Variants in GRIK3 observed in about 807,000 individuals in gnomAD.
GRIK3 encodes glutamate receptor ionotropic, kainate 3.
Under a neutral mutation model 102.5 loss-of-function variants are expected in GRIK3, and 29 were observed. The observed-to-expected ratio is 0.28, with a 90% confidence interval of 0.21 to 0.39. GRIK3 has a LOEUF of 0.39. GRIK3 is among the 10% of genes least tolerant of loss of function. GRIK3 has a pLI of 1.00. For missense variants in GRIK3, 908 were observed against 1,252.4 expected, an observed-to-expected ratio of 0.73 and a Z score of 4.15; for synonymous variants, 511 against 504.9, an observed-to-expected ratio of 1.01 and a Z score of -0.16.
rs531286073 is a variant in GRIK3, at chr1:37,013,298, G to T, written c.115+20696C>A. Among the ~76,000 whole-genome samples, 11 of 152,310 alleles carry T rather than the reference G, an allele frequency of 7.2e-5. No homozygotes were observed. The South Asian group carries it at 2.3e-3, about 32-fold the overall frequency. On this transcript the variant is annotated intron_variant, in intron 1 of 15. Transcript: ENST00000373091. ...ATGGGAGCTACAAGATGAGATCTGG[G>T]TGGGGACACAGCCAAACCATATCAG...
intron 1 of GRIK3, among the ~76,000 whole-genome samples, chr1:36,956,710 T>C (rs1641916380): frequency 6.6e-6 from 1 of 152,128 alleles, no homozygotes; most frequent in African/African-American, 2.4e-5. Flanking sequence ...TCAGGTGAAA[T>C]GAGACAAAGG....
At chr1:36,843,587 T>C (rs1197816772) in intron 9 of GRIK3, among the ~76,000 whole-genome samples, 1 of 152,088 alleles carries the variant, frequency 6.6e-6, no homozygotes, top group East Asian at 1.9e-4. Context: ...TTCCCTGGGG[T>C]CAGACCTTCC....
intron 1 of GRIK3, among the ~76,000 whole-genome samples, chr1:36,927,522 T>G (rs1057417718): frequency 6.6e-6 from 1 of 152,104 alleles, no homozygotes; most frequent in Non-Finnish European, 1.5e-5. Context: ...ATGAACAAAG[T>G]GAATTTCGTT....
At chr1:36,988,646 A>G (rs1318636671) in intron 1 of GRIK3, among the ~76,000 whole-genome samples, 1 of 152,280 alleles carries the variant, frequency 6.6e-6, no homozygotes, top group Non-Finnish European at 1.5e-5. Context: ...AAACGCCAAG[A>G]TTCTTCACAC....
intron 1 of GRIK3, among the ~76,000 whole-genome samples, chr1:37,012,787 G>C (rs1642611838): frequency 6.6e-6 from 1 of 152,198 alleles, no homozygotes; most frequent in African/African-American, 2.4e-5. Flanking sequence ...TGACCTTGCT[G>C]AGCCTCAGTT....
chr1:37,009,169 G>A (rs1484216540), intron 1 of GRIK3, among the ~76,000 whole-genome samples: 1 of 152,204 alleles, frequency 6.6e-6, no homozygotes, highest in African/African-American at 2.4e-5. Flanking sequence ...CTGACAGATG[G>A]TGAGCACTCA....
In GRIK3 at chr1:36,805,136, G is replaced by A; in HGVS notation, c.2416C>T (p.Pro806Ser). 1 of 1,614,134 alleles carries A rather than the reference G, an allele frequency of 6.2e-7. No homozygotes were observed. The highest frequency in any genetic ancestry group is 8.5e-7 in the Non-Finnish European group (1 of 1,180,016). ...KEKWWRGSGC[P>S]EEENKEASAL... ...CTGGCCTCTTTGTTTTCCTCCTCAGGACACCCGCTGCCCCGCCACCACTTC... is the reference window on the plus strand; with the variant it reads ...CTGGCCTCTTTGTTTTCCTCCTCAGAACACCCGCTGCCCCGCCACCACTTC... The change falls in exon 15 of 16, where the codon CCT becomes TCT. Residue 806 changes from proline to serine, a missense_variant. By Grantham distance (74) the Pro-to-Ser change is moderately conservative. This residue lies in a region of GRIK3 where 297 missense variants were observed against 362.7 expected (regional missense o/e 0.82). Coordinates refer to ENST00000373091, the MANE Select transcript of GRIK3 (RefSeq NM_000831.4).
At chr1:36,902,010 A>G (rs934554087) in intron 1 of GRIK3, among the ~76,000 whole-genome samples, 2 of 152,270 alleles carry the variant, frequency 1.3e-5, no homozygotes, top group African/African-American at 4.8e-5. Flanking sequence ...CACTTGGGTT[A>G]TAAATCTAAC....
At chr1:36,914,497 C>T (rs1181506443) in intron 1 of GRIK3, among the ~76,000 whole-genome samples, 1 of 152,188 alleles carries the variant, frequency 6.6e-6, no homozygotes, top group Non-Finnish European at 1.5e-5. Flanking sequence ...GAAACCTTTT[C>T]TGGCAGAGCA....
chr1:36,869,161 A>C (rs1017677759), intron 5 of GRIK3, among the ~76,000 whole-genome samples: 2 of 152,204 alleles, frequency 1.3e-5, no homozygotes, highest in South Asian at 4.1e-4. Flanking sequence ...TAATGGGTTT[A>C]AATGGCCCTA....
intron 7 of GRIK3, among the ~76,000 whole-genome samples, chr1:36,856,156 C>T (rs1640648740): frequency 6.6e-6 from 1 of 152,246 alleles, no homozygotes; most frequent in Admixed American, 6.5e-5. Context: ...CAGGCTGGCT[C>T]CCCAGTCCCT....
At chr1:36,989,761 C>G (rs1642345290) in intron 1 of GRIK3, among the ~76,000 whole-genome samples, 1 of 152,144 alleles carries the variant, frequency 6.6e-6, no homozygotes, top group African/African-American at 2.4e-5. Context: ...CTGTGGGAAC[C>G]AGAGCTTGTC....
At chr1:36,869,031 G>T (rs1353337590) in intron 5 of GRIK3, among the ~76,000 whole-genome samples, 1 of 152,242 alleles carries the variant, frequency 6.6e-6, no homozygotes, top group African/African-American at 2.4e-5. Context: ...GGAATAGTCT[G>T]CCCAGGGCCC....
At chr1:36,846,174 A>G (rs1640517324) in intron 9 of GRIK3, among the ~76,000 whole-genome samples, 1 of 151,882 alleles carries the variant, frequency 6.6e-6, no homozygotes, top group Admixed American at 6.6e-5. Context: ...CGGAACCAGA[A>G]CAGAGGCTGG....
intron 1 of GRIK3, among the ~76,000 whole-genome samples, chr1:36,988,504 G>A (rs544854747): frequency 3.9e-5 from 6 of 152,332 alleles, no homozygotes; most frequent in African/African-American, 7.2e-5. Flanking sequence ...CGTGGCCGCC[G>A]GCCAGATGGG....
intron 1 of GRIK3, among the ~76,000 whole-genome samples, chr1:36,914,626 G>T (rs767239469): frequency 6.6e-6 from 1 of 152,188 alleles, no homozygotes; most frequent in Non-Finnish European, 1.5e-5. Flanking sequence ...CCACATCTCA[G>T]TCAGCCCCAC....
chr1:36,986,319 C>T (rs1429959809), intron 1 of GRIK3, among the ~76,000 whole-genome samples: 1 of 152,134 alleles, frequency 6.6e-6, no homozygotes, highest in Non-Finnish European at 1.5e-5. Context: ...ATACATCAGT[C>T]TGTTCATCCA....
Position 36,869,771 on chromosome 1 carries a change from A to T in GRIK3, c.763T>A (p.Tyr255Asn). The change falls in exon 5 of 16, where the codon TAC becomes AAC. Residue 255 changes from tyrosine (Y) to asparagine (N), a missense_variant. Physicochemically the swap from Tyr to Asn is moderately radical, Grantham distance 143 (BLOSUM62 -2). Transcript: ENST00000373091. ...AMAMGMMTEY[Y>N]HFIFTTLDLY... Reference sequence around the variant, plus strand: ...ACCAGAGTGGTGAAGATGAAGTGGTAGTACTCAGTCATCATGCCCATGGCC... The same window carrying T: ...ACCAGAGTGGTGAAGATGAAGTGGTTGTACTCAGTCATCATGCCCATGGCC... 1 of 1,612,616 alleles carries T rather than the reference A, an allele frequency of 6.2e-7. No homozygotes were observed. The highest frequency in any genetic ancestry group is 1.1e-5 in the South Asian group (1 of 91,062).
intron 2 of GRIK3, among the ~76,000 whole-genome samples, chr1:36,887,354 G>T (rs547254514): frequency 7.9e-5 from 12 of 152,210 alleles, no homozygotes; most frequent in African/African-American, 2.9e-4. Context: ...TTTAAATTAA[G>T]AACTTTACTC....
Sources: allele counts gnomAD v4.1 joint callset (sites outside exome capture counted in the v4.1 genomes callset), GRCh38; gene constraint gnomAD v4.1.1; regional missense constraint gnomAD v4.1.1; transcripts MANE v1.5; gene names NCBI Gene and HGNC (gene_info 2026-07-23, HGNC 2026-07-21).